Variants in CLDN16 observed in about 807,000 individuals in gnomAD.
The protein encoded by CLDN16 is claudin-16.
In CLDN16, 13 loss-of-function variants were observed where a neutral mutation model predicts 24.6. That is an observed-to-expected ratio of 0.53 (90% CI 0.34 to 0.84). The LOEUF is 0.84. CLDN16 is among the 40% of genes least tolerant of loss of function. The pLI is 0.01. For synonymous variants in CLDN16, 116 were observed against 106.7 expected (o/e 1.09, Z -0.54); for missense variants, 298 against 292.7 (o/e 1.02, Z -0.13).
the CLDN16 span, among the ~76,000 whole-genome samples, chr3:190,291,546 C>T: frequency 6.6e-6 from 1 of 152,084 alleles, no homozygotes; most frequent in African/African-American, 2.4e-5. Flanking sequence ...CCCATCAGGT[C>T]CCTCCCTCAA....
At chr3:190,376,034 T>G (rs4686547) in intron 3 of CLDN16, among the ~76,000 whole-genome samples, 106,267 of 151,718 alleles carry the variant, frequency 0.7, 37,514 homozygotes, top group African/African-American at 0.77. Flanking sequence ...TTTTTGTTTG[T>G]TTTAGTGGCA....
chr3:190,364,566 C>T (rs896520902), intron 1 of CLDN16, among the ~76,000 whole-genome samples: 3 of 151,870 alleles, frequency 2.0e-5, no homozygotes, highest in Admixed American at 6.6e-5. Context: ...TCTCTGCTGC[C>T]GATGGTATGA....
rs183599112 is a variant in CLDN16 at position 190,411,284 on chromosome 3, A to G, written c.*1248A>G. On this transcript the variant is annotated 3_prime_UTR_variant, in exon 5 of 5. Coordinates refer to ENST00000264734, the MANE Select transcript of CLDN16 (RefSeq NM_006580.4). ...AAAAAACAAAAATAAATAAATAAAT[A>G]AATATTCTTCATAAAATGTGGGTTT... 1 of 152,230 alleles carries G rather than the reference A, an allele frequency of 6.6e-6. No homozygotes were observed. The highest frequency in any genetic ancestry group is 2.4e-5 in the African/African-American group (1 of 41,544). 9.4% of individuals were successfully genotyped at this position (152,230 alleles called of 1,614,324 possible).
chr3:190,357,719 C>T (rs1717806830), intron 1 of CLDN16, among the ~76,000 whole-genome samples: 1 of 151,940 alleles, frequency 6.6e-6, no homozygotes, highest in Admixed American at 6.6e-5. Flanking sequence ...GGTTTCCCAT[C>T]AGCCCAGATT....
the CLDN16 span, among the ~76,000 whole-genome samples, chr3:190,300,810 C>T: frequency 6.6e-6 from 1 of 152,226 alleles, no homozygotes; most frequent in Admixed American, 6.5e-5. Flanking sequence ...GTTTCTATCA[C>T]ATTAAATTAT....
the CLDN16 span, among the ~76,000 whole-genome samples, chr3:190,292,091 A>T: frequency 6.6e-6 from 1 of 152,170 alleles, no homozygotes; most frequent in African/African-American, 2.4e-5. Context: ...GACCCAGTGA[A>T]GACTCTGTGT....
chr3:190,382,471 G>T (rs891771401), intron 3 of CLDN16, among the ~76,000 whole-genome samples: 1 of 152,088 alleles, frequency 6.6e-6, no homozygotes, highest in African/African-American at 2.4e-5. Context: ...GCTTGCCCAA[G>T]CATTCTCCAC....
intron 1 of CLDN16, among the ~76,000 whole-genome samples, chr3:190,365,659 C>T (rs1158926690): frequency 1.3e-5 from 2 of 151,092 alleles, no homozygotes; most frequent in Admixed American, 1.3e-4. Context: ...TCAAGCAACT[C>T]TCCCTTAGAT....
chr3:190,353,693 T>C (rs567983673), intron 1 of CLDN16, among the ~76,000 whole-genome samples: 26 of 152,224 alleles, frequency 1.7e-4, no homozygotes, highest in African/African-American at 6.3e-4. Flanking sequence ...TATCTATAGT[T>C]GGCTTTACCA....
chr3:190,356,644 G>T (rs1238110499), intron 1 of CLDN16, among the ~76,000 whole-genome samples: 4 of 151,620 alleles, frequency 2.6e-5, no homozygotes, highest in Non-Finnish European at 5.9e-5. Context: ...AAAGCAGTAG[G>T]GATATAATAT....
chr3:190,297,012 C>A, the CLDN16 span, among the ~76,000 whole-genome samples: 3 of 151,960 alleles, frequency 2.0e-5, no homozygotes, highest in Non-Finnish European at 4.4e-5. Context: ...CAAAGTAGCC[C>A]TGAGCCACAG....
chr3:190,352,269 G>C (rs566190165), intron 1 of CLDN16, among the ~76,000 whole-genome samples: 2 of 152,030 alleles, frequency 1.3e-5, no homozygotes, highest in East Asian at 3.9e-4. Flanking sequence ...TTTGCCAAGT[G>C]AATTTAGTTT....
At chr3:190,406,603 T>A (rs1297674665) in intron 3 of CLDN16, among the ~76,000 whole-genome samples, 1 of 152,160 alleles carries the variant, frequency 6.6e-6, no homozygotes, top group Non-Finnish European at 1.5e-5. Context: ...TGCTATAAAA[T>A]TTATTTTTAA....
chr3:190,315,511 AAG>A, the CLDN16 span, among the ~76,000 whole-genome samples: 1 of 152,190 alleles, frequency 6.6e-6, no homozygotes, highest in East Asian at 1.9e-4. Flanking sequence ...TATCTTGAGA[AAG>A]GGGCGACATG....
intron 1 of CLDN16, among the ~76,000 whole-genome samples, chr3:190,333,548 ATCTATC>A (rs1717229073): frequency 3.4e-5 from 4 of 117,084 alleles, no homozygotes; most frequent in Non-Finnish European, 7.4e-5. Context: ...CTATCTATCT[ATCTATC>A]TATCTATCTA....
chr3:190,355,563 A>T (rs1049008960), intron 1 of CLDN16, among the ~76,000 whole-genome samples: 4 of 151,888 alleles, frequency 2.6e-5, no homozygotes, highest in Admixed American at 2.0e-4. Flanking sequence ...AAAACAAAAC[A>T]TCAGATCTCA....
upstream of CLDN16, chr3:190,388,139 T>C: frequency 6.2e-7 from 1 of 1,613,982 alleles, no homozygotes. Flanking sequence ...AGGACCCCAC[T>C]GTTGGTTACA....
intron 1 of CLDN16, among the ~76,000 whole-genome samples, chr3:190,398,190 A>G (rs1718867185): frequency 6.6e-6 from 1 of 152,204 alleles, no homozygotes; most frequent in Non-Finnish European, 1.5e-5. Flanking sequence ...TTCTGTACAA[A>G]CTGTCTCTAA....
intron 3 of CLDN16, among the ~76,000 whole-genome samples, chr3:190,407,135 A>C (rs1337218899): frequency 1.3e-5 from 2 of 152,186 alleles, no homozygotes; most frequent in African/African-American, 4.8e-5. Context: ...TCTAGGGAAA[A>C]AAATGTAAAA....
Sources: allele counts gnomAD v4.1 joint callset (sites outside exome capture counted in the v4.1 genomes callset), GRCh38; gene constraint gnomAD v4.1.1; transcripts MANE v1.5; gene names NCBI Gene and HGNC (gene_info 2026-07-23, HGNC 2026-07-21).